SRPK2: variants seen among roughly 807,000 people sequenced by gnomAD.
SRPK2 encodes SRSF protein kinase 2, also known as SFRS protein kinase 2.
In SRPK2, 21 loss-of-function variants were observed where a neutral mutation model predicts 90.8. That is an observed-to-expected ratio of 0.23 (90% CI 0.16 to 0.33). The LOEUF (loss-of-function observed/expected upper bound fraction) is 0.33, where lower values mean the gene tolerates loss of function less well. Among genes scored for constraint, SRPK2 ranks in the 10% least tolerant of loss-of-function variants. The probability of loss-of-function intolerance (pLI) is 1.00; values close to 1 mark genes in which losing one functional copy is unlikely to be tolerated. For missense variants in SRPK2, 620 were observed against 869.0 expected, an observed-to-expected ratio of 0.71 and a Z score of 3.60; for synonymous variants, 288 against 311.1, an observed-to-expected ratio of 0.93 and a Z score of 0.78.
At chr7:105,144,516 C>G (rs1020914337) in intron 9 of SRPK2, among the ~76,000 whole-genome samples, 10 of 152,046 alleles carry the variant, frequency 6.6e-5, no homozygotes, top group Admixed American at 6.6e-4. Flanking sequence ...GCAGGGATTA[C>G]AGGCGTGAGT....
rs1431171505 is a variant in SRPK2 at position 105,343,935 on chromosome 7, GTAT to G, written c.71+44710_71+44712del. 7.2e-5 allele frequency among the ~76,000 whole-genome samples: 11 copies of G among 151,958 alleles called. No homozygotes were observed. The East Asian group carries it at 2.1e-3, about 30-fold the overall frequency. On this transcript the variant is annotated intron_variant, in intron 2 of 15. Transcript: ENST00000393651. ...GCGCCACCACACCCGGCTAATTTTT[GTAT>G]TATTAATAGAGACGGGGGTTTCATC... is the stretch of plus-strand genomic sequence containing the variant.
At chr7:105,265,657 T>C (rs983289630) in intron 2 of SRPK2, among the ~76,000 whole-genome samples, 1 of 152,038 alleles carries the variant, frequency 6.6e-6, no homozygotes, top group Non-Finnish European at 1.5e-5. Flanking sequence ...TTTATTACTG[T>C]AAACAGGAGT....
upstream of SRPK2, among the ~76,000 whole-genome samples, chr7:105,390,851 G>C (rs534085982): frequency 2.6e-5 from 4 of 151,938 alleles, no homozygotes; most frequent in Non-Finnish European, 5.9e-5. Flanking sequence ...GGATTTGTCT[G>C]TTTCCCTATG....
intron 2 of SRPK2, among the ~76,000 whole-genome samples, chr7:105,239,857 T>A (rs564853798): frequency 6.6e-6 from 1 of 152,308 alleles, no homozygotes; most frequent in African/African-American, 2.4e-5. Flanking sequence ...AGATTTGGCT[T>A]CCTGCCTTTC....
intron 15 of SRPK2, among the ~76,000 whole-genome samples, 176 bp downstream of exon 15, chr7:105,126,072 C>T (rs776054667): frequency 6.6e-5 from 10 of 152,108 alleles, no homozygotes; most frequent in East Asian, 1.9e-4. Flanking sequence ...ACAGGGTGAC[C>T]GCAGCACAGG....
At chr7:105,120,062 G>C (rs1800111861) in intron 15 of SRPK2, among the ~76,000 whole-genome samples, 1 of 152,132 alleles carries the variant, frequency 6.6e-6, no homozygotes, top group Non-Finnish European at 1.5e-5. Context: ...TTTGTTAGTA[G>C]GTTATTTCAA....
Position 105,352,883 on chromosome 7 carries a change from G to A in SRPK2, c.71+35765C>T, listed in dbSNP as rs544092035. 2.0e-5 allele frequency among the ~76,000 whole-genome samples: 3 copies of A among 151,988 alleles called. No homozygotes were observed. In the South Asian group the frequency reaches 6.2e-4, roughly 31 times the overall value. On this transcript the variant is annotated intron_variant, in intron 2 of 15. Transcript: ENST00000393651. The stretch of plus-strand genomic sequence containing the variant: ...CCAGTGCACTCCAGCCTGGGTGACA[G>A]AGCGAGACTCTATCTCAAAAGAAAA...
At chr7:105,246,657 T>C (rs1261273697) in intron 2 of SRPK2, among the ~76,000 whole-genome samples, 1 of 152,260 alleles carries the variant, frequency 6.6e-6, no homozygotes, top group Non-Finnish European at 1.5e-5. Flanking sequence ...TGAGAGGTAC[T>C]GCTTTGGGTT....
At chr7:105,364,185 A>T (rs529650084) in intron 2 of SRPK2, among the ~76,000 whole-genome samples, 80 of 152,286 alleles carry the variant, frequency 5.3e-4, no homozygotes, top group African/African-American at 1.6e-3. Flanking sequence ...AAGTATAATT[A>T]AAAAATAATA....
At chr7:105,223,835 C>A (rs186969265) in intron 2 of SRPK2, among the ~76,000 whole-genome samples, 1 of 152,134 alleles carries the variant, frequency 6.6e-6, no homozygotes, top group Non-Finnish European at 1.5e-5. Context: ...GTGCTTCATG[C>A]GGTAAAAGTA....
intron 2 of SRPK2, among the ~76,000 whole-genome samples, chr7:105,267,243 ATTTG>A (rs960542083): frequency 3.3e-5 from 5 of 152,152 alleles, no homozygotes; most frequent in African/African-American, 1.2e-4. Flanking sequence ...TCCACTCCTA[ATTTG>A]TTTCTCAATA....
rs1158350206 is a variant in SRPK2, at chr7:105,280,947, CAAAAAAAAAAAAAAAAA to C, written c.72-77179_72-77163del. ...GGGCGACAGAGCGAAGACTCCATCT[CAAAAAAAAAAAAAAAAA>C]AAAAAAAAAAAAAAAAAAAAACCTT... On this transcript the variant is annotated intron_variant, in intron 2 of 15. Transcript: ENST00000393651. 7.2e-3 allele frequency among the ~76,000 whole-genome samples: 313 copies of C among 43,316 alleles called. 4 individuals carry two copies. Among genetic ancestry groups the C allele is most frequent in the African/African-American group, 0.034 (291 of 8,626 alleles). The allele number at this position is 43,316 out of a possible 152,430, so 28.4% of individuals were successfully genotyped here.
intron 2 of SRPK2, among the ~76,000 whole-genome samples, chr7:105,369,822 G>T (rs1418130440): frequency 2.0e-5 from 3 of 152,158 alleles, no homozygotes; most frequent in Non-Finnish European, 4.4e-5. Flanking sequence ...GAGGTCAGGA[G>T]TTCGAGACCA....
chr7:105,346,412 A>C (rs1166441122), intron 2 of SRPK2, among the ~76,000 whole-genome samples: 1 of 152,092 alleles, frequency 6.6e-6, no homozygotes, highest in Non-Finnish European at 1.5e-5. Context: ...GAGGGTACTC[A>C]AACAACTGTT....
intron 2 of SRPK2, among the ~76,000 whole-genome samples, chr7:105,288,083 T>C (rs1204043047): frequency 6.6e-6 from 1 of 152,158 alleles, no homozygotes; most frequent in Non-Finnish European, 1.5e-5. Context: ...CTGAGAGTGT[T>C]ATATTAAAGG....
At chr7:105,214,329 A>C (rs1797194338) in intron 2 of SRPK2, among the ~76,000 whole-genome samples, 1 of 152,232 alleles carries the variant, frequency 6.6e-6, no homozygotes, top group African/African-American at 2.4e-5. Context: ...GCTTATTTTA[A>C]ATACCTTACT....
chr7:105,155,494 C>A (rs1487727503), intron 7 of SRPK2, among the ~76,000 whole-genome samples: 1 of 152,166 alleles, frequency 6.6e-6, no homozygotes, highest in Non-Finnish European at 1.5e-5. Flanking sequence ...GGAAAACTGG[C>A]AAAGTTCAGA....
At chr7:105,263,663 C>T (rs1324108618) in intron 2 of SRPK2, among the ~76,000 whole-genome samples, 1 of 152,038 alleles carries the variant, frequency 6.6e-6, no homozygotes, top group Non-Finnish European at 1.5e-5. Flanking sequence ...ATGTTAAGAT[C>T]CTAAAACTCC....
chr7:105,208,119 T>G (rs1796428298), intron 2 of SRPK2, among the ~76,000 whole-genome samples: 1 of 152,162 alleles, frequency 6.6e-6, no homozygotes, highest in Admixed American at 6.5e-5. Context: ...CCCACTAGAA[T>G]GGCTATTAAA....
Sources: gnomAD v4.1 joint callset for allele counts (sites outside exome capture counted in the v4.1 genomes callset) on GRCh38, gnomAD v4.1.1 for gene constraint, MANE v1.5 for transcripts, NCBI Gene and HGNC (gene_info 2026-07-23, HGNC 2026-07-21) for gene names.